Variants in DMXL1 observed in about 807,000 individuals in gnomAD.
DMXL1 encodes the protein dmX-like protein 1.
Under a neutral mutation model 319.2 loss-of-function variants are expected in DMXL1, and 99 were observed. The observed-to-expected ratio is 0.31, with a 90% CI of 0.26 to 0.37. DMXL1 has a LOEUF of 0.37. Ranked by LOEUF, DMXL1 falls within the 10% of genes least tolerant of loss-of-function variation. The pLI is 1.00. For synonymous variants in DMXL1, 1,385 were observed against 1,235.2 expected, an observed-to-expected ratio of 1.12 and a Z score of -2.54; for missense variants, 3,745 against 3,595.6, an observed-to-expected ratio of 1.04 and a Z score of -1.06.
chr5:119,129,517 A>C lies in DMXL1; in HGVS notation c.1315+94A>C. The C allele has an allele frequency of 3.5e-6, 3 of 846,058 alleles. No individual in the cohort carries two copies. The East Asian group carries it at 8.0e-5, about 22-fold the overall frequency. 52.4% of individuals were successfully genotyped at this position (846,058 alleles called of 1,614,324 possible). The stretch of plus-strand genomic sequence containing the variant: ...AAACTAGCTACTTGTAATAAACTTT[A>C]AAGTTGCAATGACATGATCCAAACA... On this transcript the variant is annotated intron_variant, in intron 10 of 43. Coordinates refer to ENST00000539542, the MANE Select transcript of DMXL1 (RefSeq NM_001290321.3).
At chr5:119,122,313 C>A (rs1249609721) in intron 9 of DMXL1, among the ~76,000 whole-genome samples, 3 of 146,298 alleles carry the variant, frequency 2.1e-5, no homozygotes, top group Non-Finnish European at 3.0e-5. Context: ...GGGCGGGGGG[C>A]TGACCCCCCC....
chr5:119,077,522 C>G (rs1260822194), intron 1 of DMXL1, among the ~76,000 whole-genome samples: 1 of 109,094 alleles, frequency 9.2e-6, no homozygotes, highest in Non-Finnish European at 1.7e-5. Flanking sequence ...GGGTCTCACT[C>G]TGTCACCCAG....
At position 119,171,836 on chromosome 5, in the gene DMXL1, T is replaced by G; in HGVS notation, c.6548T>G (p.Leu2183Arg). Residue 2183 changes from leucine to arginine, a missense_variant, in exon 25 of 44, where the codon CTC (leucine) becomes CGC (arginine). Leu to Arg is a moderately radical substitution (Grantham distance 102). Around this residue, in one of 4 missense-constraint regions of DMXL1, gnomAD observed 1,382 missense variants for 1,269.5 expected, o/e 1.09. Transcript: ENST00000539542. ...TCAGAGCAAACCTCAGTGCCTCTCC[T>G]CTTTGCTTGTACAGCCAATGCCAAA... The part of the protein sequence containing the change: ...PLSEQTSVPL[L>R]FACTANAKTV... The G allele has an allele frequency of 6.2e-7, 1 of 1,613,978 alleles. No homozygotes were observed. Among genetic ancestry groups the G allele is most frequent in the Non-Finnish European group, 8.5e-7 (1 of 1,179,892 alleles).
At chr5:119,217,741 A>G (rs553072437) in intron 35 of DMXL1, among the ~76,000 whole-genome samples, 11 of 152,286 alleles carry the variant, frequency 7.2e-5, no homozygotes, top group African/African-American at 2.6e-4. Context: ...GTAGATACAT[A>G]CCCTGTAATA....
intron 23 of DMXL1, 85 bp downstream of exon 23, chr5:119,167,949 G>A: frequency 7.7e-7 from 1 of 1,298,840 alleles, no homozygotes; most frequent in Admixed American, 3.1e-5. Flanking sequence ...GGTGGTAAGG[G>A]TAATACAAAC....
chr5:119,179,943 T>A (rs187926133), intron 28 of DMXL1, among the ~76,000 whole-genome samples: 30 of 152,286 alleles, frequency 2.0e-4, no homozygotes, highest in African/African-American at 7.2e-4. Flanking sequence ...AAATATATAT[T>A]TTAGGTTTTG....
At chr5:119,121,934 G>C (rs887378785) in intron 9 of DMXL1, among the ~76,000 whole-genome samples, 2 of 141,416 alleles carry the variant, frequency 1.4e-5, no homozygotes, top group African/African-American at 2.6e-5. Context: ...CCTCCCTCCC[G>C]GACGGGGCGG....
Position 119,150,120 on chromosome 5 carries a change from G to T in DMXL1, c.4293G>T (p.Thr1431=). The T allele has an allele frequency of 6.2e-7, 1 of 1,613,694 alleles. No homozygotes were observed. Among genetic ancestry groups the T allele is most frequent in the Non-Finnish European group, 8.5e-7 (1 of 1,179,848 alleles). Residue 1431 remains threonine, a synonymous_variant, in exon 18 of 44, where the codon ACG becomes ACT. Coordinates refer to ENST00000539542, the MANE Select transcript of DMXL1 (RefSeq NM_001290321.3). ...SSLEKSSNES[T]LSKSNQLSKE... is the part of the protein sequence containing the mutation. Reference sequence around the variant, plus strand: ...TGGAGAAATCTAGTAATGAGAGTACGTTAAGTAAATCAAACCAATTATCTA... The same window carrying T: ...TGGAGAAATCTAGTAATGAGAGTACTTTAAGTAAATCAAACCAATTATCTA...
intron 40 of DMXL1, among the ~76,000 whole-genome samples, chr5:119,238,068 C>T (rs1308336108): frequency 2.0e-5 from 3 of 151,914 alleles, no homozygotes; most frequent in South Asian, 2.1e-4. Context: ...GATTAGGGTA[C>T]CTTGAAAGAA....
intron 30 of DMXL1, among the ~76,000 whole-genome samples, chr5:119,196,028 T>G (rs1420891447): frequency 6.6e-6 from 1 of 152,178 alleles, no homozygotes; most frequent in African/African-American, 2.4e-5. Flanking sequence ...CTACATACAG[T>G]GTTCTGCTAC....
rs1439500600 is a variant in DMXL1, at chr5:119,248,982, A to G, written c.*1763A>G. 1 of 152,556 alleles carries G rather than the reference A, an allele frequency of 6.6e-6. No individual in the cohort carries two copies. The highest frequency in any genetic ancestry group is 1.5e-5 in the Non-Finnish European group (1 of 67,952). 9.5% of individuals were successfully genotyped at this position (152,556 alleles called of 1,614,324 possible). Reference sequence around the variant, plus strand: ...CTTCCAATGAGATAAAATATTTACTATTATGCTTATTAGAACAAAAGGTGT... The same window carrying G: ...CTTCCAATGAGATAAAATATTTACTGTTATGCTTATTAGAACAAAAGGTGT... On this transcript the variant is annotated 3_prime_UTR_variant, in exon 44 of 44. Coordinates refer to ENST00000539542, the MANE Select transcript of DMXL1 (RefSeq NM_001290321.3).
intron 35 of DMXL1, 67 bp from the exon 36 acceptor site, chr5:119,220,405 A>G: frequency 2.7e-6 from 4 of 1,481,886 alleles, no homozygotes; most frequent in Non-Finnish European, 3.7e-6. Flanking sequence ...TACCATTTTC[A>G]AAAGCAGCTC....
chr5:119,238,938 T>A (rs1383285048), intron 40 of DMXL1, 51 bp from the exon 41 acceptor site: 9 of 1,604,852 alleles, frequency 5.6e-6, no homozygotes, highest in Non-Finnish European at 7.7e-6. Context: ...TTTACCTGGT[T>A]ATGACATTTT....
intron 1 of DMXL1, chr5:119,081,560 T>G: frequency 1.0e-6 from 1 of 985,238 alleles, no homozygotes; most frequent in Non-Finnish European, 1.2e-6. Context: ...TCTGGTTAAG[T>G]TTTGTTTTTA....
intron 1 of DMXL1, among the ~76,000 whole-genome samples, chr5:119,078,885 C>T (rs1008309558): frequency 2.6e-5 from 4 of 152,198 alleles, no homozygotes; most frequent in African/African-American, 9.6e-5. Flanking sequence ...TTTAACTTTA[C>T]AATTTATATA....
chr5:119,220,232 G>C (rs1446611547), intron 35 of DMXL1, among the ~76,000 whole-genome samples: 3 of 152,024 alleles, frequency 2.0e-5, no homozygotes, highest in African/African-American at 7.3e-5. Context: ...ACTGGGAGAG[G>C]AAATAAAATG....
intron 34 of DMXL1, among the ~76,000 whole-genome samples, chr5:119,212,579 G>C (rs1221966925): frequency 6.6e-6 from 1 of 152,088 alleles, no homozygotes; most frequent in Non-Finnish European, 1.5e-5. Context: ...GGAATTGCTA[G>C]ATCATATAGC....
intron 31 of DMXL1, among the ~76,000 whole-genome samples, chr5:119,196,745 G>C (rs1352214874): frequency 6.6e-6 from 1 of 152,104 alleles, no homozygotes; most frequent in Admixed American, 6.6e-5. Context: ...TTACAATGGA[G>C]AGAAAACTAA....
intron 28 of DMXL1, among the ~76,000 whole-genome samples, chr5:119,185,732 G>A (rs762986408): frequency 8.6e-5 from 13 of 150,932 alleles, no homozygotes; most frequent in Non-Finnish European, 1.6e-4. Context: ...CAAACTCCTG[G>A]TCTCACGTGG....
Sources: allele counts gnomAD v4.1 joint callset (sites outside exome capture counted in the v4.1 genomes callset), GRCh38; gene constraint gnomAD v4.1.1; regional missense constraint gnomAD v4.1.1; transcripts MANE v1.5; gene names NCBI Gene and HGNC (gene_info 2026-07-23, HGNC 2026-07-21).